Variants in GALNT9 observed in about 807,000 individuals in gnomAD.
GALNT9 encodes the protein polypeptide N-acetylgalactosaminyltransferase 9.
In GALNT9, 47 loss-of-function variants were observed where a neutral mutation model predicts 63.1. The observed-to-expected ratio is 0.75, with a 90% confidence interval of 0.59 to 0.95. The LOEUF (loss-of-function observed/expected upper bound fraction) is 0.95, where lower values mean the gene tolerates loss of function less well. GALNT9 is among the 40% of genes least tolerant of loss of function. GALNT9 has a pLI of 0.00. For missense variants in GALNT9, 829 were observed against 874.8 expected, an observed-to-expected ratio of 0.95 and a Z score of 0.66; for synonymous variants, 396 against 365.7, an observed-to-expected ratio of 1.08 and a Z score of -0.94.
intron 6 of GALNT9, among the ~76,000 whole-genome samples, chr12:132,211,062 T>A (rs577606854): frequency 5.9e-5 from 9 of 152,118 alleles, no homozygotes; most frequent in African/African-American, 2.2e-4. Flanking sequence ...CCAGTTCTTC[T>A]CCACCACAAC....
At chr12:132,210,526 A>T (rs1194906871) in intron 6 of GALNT9, among the ~76,000 whole-genome samples, 1 of 152,030 alleles carries the variant, frequency 6.6e-6, no homozygotes, top group Non-Finnish European at 1.5e-5. Context: ...CTTGGGCAGG[A>T]GGTGCGCCCT....
chr12:132,247,933 C>T lies in GALNT9; in HGVS notation c.1054G>A (p.Glu352Lys), dbSNP rs2135534900. Residue 352 changes from glutamate (E) to lysine (K), a missense_variant, in exon 6 of 11, where the codon GAG becomes AAG. Physicochemically the swap from Glu to Lys is moderately conservative, Grantham distance 56. Transcript: ENST00000328957. The stretch of plus-strand genomic sequence containing the variant: ...ACCCTCATGCCCAGTTCTACGTTCT[C>T]GCCGCCATACACCTCCATGCCGGGG... ...LDPGMEVYGG[E>K]NVELGMRVWQ... The T allele has an allele frequency of 1.9e-6, 3 of 1,551,400 alleles. No individual in the cohort carries two copies. Among genetic ancestry groups the T allele is most frequent in the South Asian group, 1.2e-5 (1 of 84,064 alleles).
intron 7 of GALNT9, 134 bp from the exon 8 acceptor site, chr12:132,201,395 A>AGGCCCTATCC (rs1876093969): frequency 1.6e-6 from 1 of 609,030 alleles, no homozygotes; most frequent in East Asian, 2.8e-5. Flanking sequence ...TCAGATGCTG[A>AGGCCCTATCC]GGCCCCATCC....
chr12:132,324,636 C>A (rs28576368), intron 1 of GALNT9, among the ~76,000 whole-genome samples: 30,580 of 152,156 alleles, frequency 0.2, 3,266 homozygotes, highest in East Asian at 0.26. Flanking sequence ...TGCCATGGCC[C>A]CGGCTCTTGT....
chr12:132,253,079 T>A (rs1247880635), intron 5 of GALNT9, among the ~76,000 whole-genome samples: 1 of 152,108 alleles, frequency 6.6e-6, no homozygotes, highest in Non-Finnish European at 1.5e-5. Context: ...AGGCAGCAAA[T>A]GTCAGCGTTT....
chr12:132,230,961 T>A (rs1877868768), intron 6 of GALNT9, among the ~76,000 whole-genome samples: 1 of 152,190 alleles, frequency 6.6e-6, no homozygotes, highest in Non-Finnish European at 1.5e-5. Context: ...TGACAGAGAC[T>A]CACCCTAGTG....
chr12:132,209,140 G>A (rs1593065294), intron 6 of GALNT9, among the ~76,000 whole-genome samples: 2 of 152,258 alleles, frequency 1.3e-5, no homozygotes, highest in South Asian at 4.1e-4. Flanking sequence ...AGACCCACTG[G>A]GCTGCATTCC....
chr12:132,307,321 T>C (rs1318716685), intron 1 of GALNT9, among the ~76,000 whole-genome samples: 2 of 152,124 alleles, frequency 1.3e-5, no homozygotes, highest in African/African-American at 2.4e-5. Context: ...AGTTAACAAA[T>C]ACGCACTGGG....
At chr12:132,241,503 C>A (rs1464166473) in intron 6 of GALNT9, among the ~76,000 whole-genome samples, 1,051 of 92,698 alleles carry the variant, frequency 0.011, 2 homozygotes, top group Non-Finnish European at 0.017. Context: ...GGGGCCCTCC[C>A]TATACCCATT....
intron 1 of GALNT9, among the ~76,000 whole-genome samples, chr12:132,328,236 G>A (rs561278732): frequency 1.5e-4 from 23 of 152,216 alleles, no homozygotes; most frequent in Admixed American, 2.0e-4. Flanking sequence ...GCTGACCTAC[G>A]TCCGCTCGTG....
At chr12:132,212,133 C>T (rs1683344312) in intron 6 of GALNT9, among the ~76,000 whole-genome samples, 1 of 150,864 alleles carries the variant, frequency 6.6e-6, no homozygotes, top group South Asian at 2.1e-4. Context: ...ACGGAAACCC[C>T]ACCCGGGTCT....
intron 1 of GALNT9, among the ~76,000 whole-genome samples, chr12:132,306,380 T>C (rs1881614267): frequency 6.6e-6 from 1 of 152,056 alleles, no homozygotes; most frequent in African/African-American, 2.4e-5. Flanking sequence ...TCCAGGGCCC[T>C]GGCCAGGAGG....
At chr12:132,324,063 A>G (rs940254291) in intron 1 of GALNT9, among the ~76,000 whole-genome samples, 7 of 152,280 alleles carry the variant, frequency 4.6e-5, no homozygotes, top group African/African-American at 1.4e-4. Context: ...CATTTGGGAA[A>G]TAAAACTCAC....
rs1396172581 is a variant in GALNT9 at position 132,315,615 on chromosome 12, G to A, written c.238+13351C>T. 9.9e-5 allele frequency among the ~76,000 whole-genome samples: 15 copies of A among 152,174 alleles called. No individual in the cohort carries two copies. The highest frequency in any genetic ancestry group is 3.4e-4 in the African/African-American group (14 of 41,436). ...CGTGGGATGTGGGCGAGGTTGCGCCGCGGCTGCTGATCTGAGAAGGTCGCG... is the reference window on the plus strand; with the variant it reads ...CGTGGGATGTGGGCGAGGTTGCGCCACGGCTGCTGATCTGAGAAGGTCGCG... On this transcript the variant is annotated intron_variant, in intron 1 of 10. Transcript: ENST00000328957. The surrounding 1 kb of genome is among the most constrained non-coding windows in gnomAD (Gnocchi z 6.1).
intron 2 of GALNT9, chr12:132,280,754 C>A (rs1880305393): frequency 6.6e-6 from 1 of 152,340 alleles, no homozygotes; most frequent in South Asian, 2.1e-4. Context: ...CCCCCAGCCC[C>A]TCCCAGGCTC....
At chr12:132,207,606 AGGACCGAAGCTAC>A (rs1876773387) in intron 6 of GALNT9, among the ~76,000 whole-genome samples, 1 of 152,128 alleles carries the variant, frequency 6.6e-6, no homozygotes. Context: ...TGTCTCTAGA[AGGACCGAAGCTAC>A]GGGAGAGGCG....
intron 2 of GALNT9, among the ~76,000 whole-genome samples, chr12:132,268,149 A>C (rs544148632): frequency 6.6e-6 from 1 of 151,164 alleles, no homozygotes; most frequent in East Asian, 2.0e-4. Flanking sequence ...ACACACACGC[A>C]ATCTCACACA....
At position 132,286,582 on chromosome 12, in the gene GALNT9, C is replaced by A; in HGVS notation, c.239-152G>T. Reference sequence around the variant, plus strand: ...CAGATGGCAGGCTGCCAGCTCAGGACATTCCAGAAAGTGCAAGGCTGTGCG... The same window carrying A: ...CAGATGGCAGGCTGCCAGCTCAGGAAATTCCAGAAAGTGCAAGGCTGTGCG... On this transcript the variant is annotated intron_variant, in intron 1 of 10. Transcript: ENST00000328957. The surrounding 1 kb of genome is among the most constrained non-coding windows in gnomAD (Gnocchi z 7.4). 1 of 1,301,818 alleles carries A rather than the reference C, an allele frequency of 7.7e-7. No homozygotes were observed. Among genetic ancestry groups the A allele is most frequent in the Non-Finnish European group, 1.0e-6 (1 of 978,774 alleles). 80.6% of individuals were successfully genotyped at this position (1,301,818 alleles called of 1,614,324 possible).
intron 1 of GALNT9, among the ~76,000 whole-genome samples, chr12:132,307,592 GGGAGGC>G (rs1482722553): frequency 6.6e-6 from 1 of 151,932 alleles, no homozygotes; most frequent in Non-Finnish European, 1.5e-5. Context: ...TCAGCACTGT[GGGAGGC>G]CAAGGCGGGT....
Sources: gnomAD v4.1 joint callset for allele counts (sites outside exome capture counted in the v4.1 genomes callset) on GRCh38, gnomAD v4.1.1 for gene constraint, Gnocchi (gnomAD v3.1) non-coding constraint, MANE v1.5 for transcripts, NCBI Gene and HGNC (gene_info 2026-07-23, HGNC 2026-07-21) for gene names.